Variants in FXYD6 observed in about 807,000 individuals in gnomAD.
The protein encoded by FXYD6 is FXYD domain-containing ion transport regulator 6.
In FXYD6, 7 loss-of-function variants were observed where a neutral mutation model predicts 16.7. That is an observed-to-expected ratio of 0.42 (90% confidence interval 0.24 to 0.79). The LOEUF (loss-of-function observed/expected upper bound fraction) is 0.79, where lower values mean the gene tolerates loss of function less well. FXYD6 is among the 30% of genes least tolerant of loss of function. The probability of loss-of-function intolerance (pLI) is 0.28; values close to 1 mark genes in which losing one functional copy is unlikely to be tolerated. For missense variants in FXYD6, 111 were observed against 116.2 expected (o/e 0.95, Z 0.21); for synonymous variants, 49 against 43.0 (o/e 1.14, Z -0.54).
intron 1 of FXYD6, among the ~76,000 whole-genome samples, chr11:117,875,282 T>C (rs1459399712): frequency 6.6e-6 from 1 of 152,034 alleles, no homozygotes; most frequent in Non-Finnish European, 1.5e-5. Flanking sequence ...GGTATATGTC[T>C]GTATGTGTTT....
chr11:117,847,494 C>T (rs2056499461), intron 1 of FXYD6, among the ~76,000 whole-genome samples: 5 of 150,970 alleles, frequency 3.3e-5, no homozygotes, highest in Admixed American at 2.0e-4. Flanking sequence ...AGGTATATCT[C>T]CTAATGCTAT....
At chr11:117,852,486 G>A (rs1591567164) in intron 1 of FXYD6, among the ~76,000 whole-genome samples, 1 of 152,336 alleles carries the variant, frequency 6.6e-6, no homozygotes, top group East Asian at 1.9e-4. Context: ...CATGATTGCT[G>A]TTGAGAAGTC....
intron 1 of FXYD6, among the ~76,000 whole-genome samples, chr11:117,871,598 A>G (rs913688116): frequency 6.6e-6 from 1 of 152,250 alleles, no homozygotes; most frequent in African/African-American, 2.4e-5. Context: ...TGGAATAATT[A>G]CTTGAAAGAA....
In FXYD6 at chr11:117,860,531, T is replaced by C. The variant is rs777425395; in HGVS notation, c.-6+16061A>G. Among the ~76,000 whole-genome samples the C allele has an allele frequency of 3.3e-5, 5 of 152,224 alleles. No homozygotes were observed. In the East Asian group the frequency reaches 5.8e-4, roughly 18 times the overall value. The stretch of plus-strand genomic sequence containing the variant: ...CTGCCAGCTCACCCCTGAGAAAGCA[T>C]TGATACTCACTTGTTGAACAGAGAG... On this transcript the variant is annotated intron_variant, in intron 1 of 7. Coordinates refer to ENST00000526014, the MANE Select transcript of FXYD6 (RefSeq NM_022003.4).
chr11:117,841,018 G>T, intron 5 of FXYD6, 130 bp downstream of exon 5: 2 of 1,208,594 alleles, frequency 1.7e-6, no homozygotes, highest in East Asian at 2.5e-5. Context: ...CCAGCCCTAC[G>T]TCCCAACACA....
In FXYD6 at chr11:117,868,178, G is replaced by A. The variant is rs1015959541; in HGVS notation, c.-6+8414C>T. ...GCTACCCCATGATCTGTCCTCACCTGGGATGGTGAGGACGGCCGAAAGTGC... is the reference window on the plus strand; with the variant it reads ...GCTACCCCATGATCTGTCCTCACCTAGGATGGTGAGGACGGCCGAAAGTGC... On this transcript the variant is annotated intron_variant, in intron 1 of 7. Coordinates refer to ENST00000526014, the MANE Select transcript of FXYD6 (RefSeq NM_022003.4). Among the ~76,000 whole-genome samples the A allele has an allele frequency of 3.9e-5, 6 of 152,126 alleles. No individual in the cohort carries two copies. In the East Asian group the frequency reaches 1.2e-3, roughly 29 times the overall value.
intron 1 of FXYD6, among the ~76,000 whole-genome samples, chr11:117,856,506 G>A (rs574440427): frequency 6.6e-6 from 1 of 152,296 alleles, no homozygotes; most frequent in East Asian, 1.9e-4. Context: ...GGTCTTAGCA[G>A]GATGCCCTGC....
chr11:117,856,746 C>A (rs561048291), intron 1 of FXYD6, among the ~76,000 whole-genome samples: 2 of 152,268 alleles, frequency 1.3e-5, no homozygotes, highest in South Asian at 4.1e-4. Flanking sequence ...GTGAGGTCTA[C>A]CAGATGGAGT....
intron 1 of FXYD6, among the ~76,000 whole-genome samples, chr11:117,851,963 G>A (rs960947652): frequency 1.3e-5 from 2 of 152,246 alleles, no homozygotes; most frequent in African/African-American, 4.8e-5. Flanking sequence ...TTGCAGGCTG[G>A]AGCTCGAGAA....
intron 1 of FXYD6, among the ~76,000 whole-genome samples, chr11:117,871,108 A>C (rs1296736385): frequency 6.6e-6 from 1 of 152,076 alleles, no homozygotes; most frequent in Non-Finnish European, 1.5e-5. Context: ...CCAACTACCA[A>C]AATGCTGTGA....
At chr11:117,859,114 C>T (rs2056845278) in intron 1 of FXYD6, among the ~76,000 whole-genome samples, 2 of 151,878 alleles carry the variant, frequency 1.3e-5, no homozygotes, top group Non-Finnish European at 2.9e-5. Context: ...GGAGGCTGCT[C>T]GAAAGTCCAT....
At chr11:117,849,536 CTTT>C (rs60624638) in intron 1 of FXYD6, among the ~76,000 whole-genome samples, 1 of 142,470 alleles carries the variant, frequency 7.0e-6, no homozygotes. Flanking sequence ...GTTTAAATTT[CTTT>C]TTTTTTTTTT....
intron 2 of FXYD6, 55 bp from the exon 3 acceptor site, chr11:117,842,083 A>G (rs927247993): frequency 4.3e-6 from 7 of 1,612,912 alleles, no homozygotes; most frequent in Non-Finnish European, 5.9e-6. Context: ...CTGGTTCCCA[A>G]ATATCTAACC....
chr11:117,843,892 T>G (rs570690424), intron 1 of FXYD6: 1 of 152,380 alleles, frequency 6.6e-6, no homozygotes, highest in African/African-American at 2.4e-5. Flanking sequence ...GGCCAAGAGG[T>G]GGCACCCAGG....
intron 1 of FXYD6, among the ~76,000 whole-genome samples, chr11:117,853,184 C>T (rs537465342): frequency 3.9e-5 from 6 of 152,170 alleles, no homozygotes; most frequent in East Asian, 1.9e-4. Context: ...GTAATATATT[C>T]GATTGTGAGC....
rs748206898 is a variant in FXYD6 at position 117,839,763 on chromosome 11, A to C, written c.*21+18T>G. The stretch of plus-strand genomic sequence containing the variant: ...CGGTGATGGCAACAGGGGCCAATCC[A>C]GGCACTGAGCATCTCACCTTCCACC... On this transcript the variant is annotated intron_variant, in intron 7 of 7. Transcript: ENST00000526014. 8.1e-6 allele frequency: 13 copies of C among 1,614,136 alleles called. No individual in the cohort carries two copies. The highest frequency in any genetic ancestry group is 1.1e-5 in the Non-Finnish European group (13 of 1,179,996).
At chr11:117,875,880 C>T in intron 1 of FXYD6, among the ~76,000 whole-genome samples, 1 of 152,164 alleles carries the variant, frequency 6.6e-6, no homozygotes, top group South Asian at 2.1e-4. Context: ...GGCTGCACAC[C>T]CAACTCTCCA....
At chr11:117,873,845 C>T (rs1449233696) in intron 1 of FXYD6, among the ~76,000 whole-genome samples, 2 of 152,180 alleles carry the variant, frequency 1.3e-5, no homozygotes, top group Non-Finnish European at 2.9e-5. Context: ...CCAGCCTCGC[C>T]TTCCAAGAAA....
chr11:117,875,281 CTGTA>C (rs1182261214), intron 1 of FXYD6, among the ~76,000 whole-genome samples: 1 of 151,734 alleles, frequency 6.6e-6, no homozygotes, highest in African/African-American at 2.4e-5. Flanking sequence ...TGGTATATGT[CTGTA>C]TGTGTTTGTG....
Sources: allele counts gnomAD v4.1 joint callset (sites outside exome capture counted in the v4.1 genomes callset), GRCh38; gene constraint gnomAD v4.1.1; transcripts MANE v1.5; gene names NCBI Gene and HGNC (gene_info 2026-07-23, HGNC 2026-07-21).